DOCK1: variants seen among roughly 807,000 people sequenced by gnomAD.
The protein encoded by DOCK1 is dedicator of cytokinesis 1.
A neutral mutation model predicts 262.7 loss-of-function variants in DOCK1; 138 were observed. That is an observed-to-expected ratio of 0.53 (90% CI 0.46 to 0.61). The LOEUF is 0.61. Ranked by LOEUF, DOCK1 falls within the 20% of genes least tolerant of loss-of-function variation. The probability of loss-of-function intolerance (pLI) is 0.00; values close to 1 mark genes in which losing one functional copy is unlikely to be tolerated. For missense variants in DOCK1, 1,908 were observed against 2,370.7 expected, an observed-to-expected ratio of 0.80 and a Z score of 4.05; for synonymous variants, 866 against 867.4, an observed-to-expected ratio of 1.00 and a Z score of 0.03.
chr10:127,164,777 C>T (rs2053932260), intron 27 of DOCK1, among the ~76,000 whole-genome samples: 3 of 152,122 alleles, frequency 2.0e-5, no homozygotes, highest in Admixed American at 2.0e-4. Flanking sequence ...TGTGTGTGGA[C>T]TGCCTGGCTA....
At chr10:127,182,267 A>G (rs1179024832) in intron 27 of DOCK1, among the ~76,000 whole-genome samples, 3 of 152,090 alleles carry the variant, frequency 2.0e-5, no homozygotes, top group African/African-American at 7.2e-5. Flanking sequence ...TTCAGCCCCC[A>G]CTCATGCATA....
At chr10:127,171,306 A>G (rs1266846820) in intron 27 of DOCK1, among the ~76,000 whole-genome samples, 1 of 152,266 alleles carries the variant, frequency 6.6e-6, no homozygotes, top group Non-Finnish European at 1.5e-5. Context: ...ACAGGGAAGC[A>G]CTTGCCTGAC....
Position 126,995,509 on chromosome 10 carries a change from G to A in DOCK1, c.474-1239G>A, listed in dbSNP as rs575665140. Reference sequence around the variant, plus strand: ...ACGAAAACCAGTCAGGTGTGGCGGCGCGCGCCTGCAATCCCAGGCACTCCG... The same window carrying A: ...ACGAAAACCAGTCAGGTGTGGCGGCACGCGCCTGCAATCCCAGGCACTCCG... On this transcript the variant is annotated intron_variant, in intron 6 of 51. Transcript: ENST00000623213. The surrounding 1 kb of genome is among the most constrained non-coding windows in gnomAD (Gnocchi z 5.8). 5.3e-4 allele frequency among the ~76,000 whole-genome samples: 80 copies of A among 152,278 alleles called. 2 individuals are homozygous for A. The South Asian group carries it at 0.011, about 22-fold the overall frequency.
intron 25 of DOCK1, among the ~76,000 whole-genome samples, chr10:127,112,356 C>T (rs147902672): frequency 2.6e-5 from 4 of 152,176 alleles, no homozygotes; most frequent in East Asian, 1.9e-4. Context: ...TTCTTTAGGT[C>T]GTAGAAAGCT....
chr10:127,146,852 T>C (rs989840536), intron 27 of DOCK1, among the ~76,000 whole-genome samples: 2 of 152,184 alleles, frequency 1.3e-5, no homozygotes, highest in Non-Finnish European at 2.9e-5. Flanking sequence ...TGCATACAAA[T>C]GCAATTACCA....
intron 49 of DOCK1, among the ~76,000 whole-genome samples, chr10:127,443,887 G>A (rs2070355687): frequency 6.6e-6 from 1 of 151,988 alleles, no homozygotes; most frequent in African/African-American, 2.4e-5. Flanking sequence ...TGGGGCATAA[G>A]GTTTTCCAGA....
At chr10:127,205,031 A>G (rs1401186432) in intron 27 of DOCK1, among the ~76,000 whole-genome samples, 1 of 152,088 alleles carries the variant, frequency 6.6e-6, no homozygotes, top group African/African-American at 2.4e-5. Flanking sequence ...CTAATAGAAA[A>G]TAACATTTAT....
chr10:127,220,848 C>T (rs1380725327), intron 27 of DOCK1, among the ~76,000 whole-genome samples: 1 of 151,794 alleles, frequency 6.6e-6, no homozygotes, highest in East Asian at 1.9e-4. Flanking sequence ...AGATTTATTT[C>T]CTAAACAAGT....
At chr10:127,179,335 A>T (rs2055490120) in intron 27 of DOCK1, among the ~76,000 whole-genome samples, 1 of 152,214 alleles carries the variant, frequency 6.6e-6, no homozygotes, top group South Asian at 2.1e-4. Flanking sequence ...TGTTTTATAG[A>T]GGGTTGCTGG....
rs1283547885 is a variant in DOCK1 at position 127,261,294 on chromosome 10, TGG to T, written c.3044+3867_3044+3868del. ...GTGTGTGCCTGCATGTGTGTGCATG[TGG>T]GTGTGTGTGTGTGTGCCTGCATGTG... On this transcript the variant is annotated intron_variant, in intron 29 of 51. Coordinates refer to ENST00000623213, the MANE Select transcript of DOCK1 (RefSeq NM_001290223.2). 1.1e-3 allele frequency among the ~76,000 whole-genome samples: 117 copies of T among 101,954 alleles called. 1 individual carries two copies. Among genetic ancestry groups the T allele is most frequent in the African/African-American group, 4.2e-3 (107 of 25,384 alleles). 66.9% of individuals were successfully genotyped at this position (101,954 alleles called of 152,430 possible). A position where few individuals can be genotyped will look rare whatever the true frequency, so the allele number is the denominator to read the frequency against.
intron 49 of DOCK1, among the ~76,000 whole-genome samples, chr10:127,442,852 T>C (rs1219162483): frequency 6.6e-6 from 1 of 152,218 alleles, no homozygotes; most frequent in Non-Finnish European, 1.5e-5. Flanking sequence ...TATCTGCATG[T>C]CTTGCAATAA....
chr10:126,982,888 T>C (rs1178905559), intron 4 of DOCK1, among the ~76,000 whole-genome samples: 3 of 152,222 alleles, frequency 2.0e-5, no homozygotes, highest in Admixed American at 1.3e-4. Flanking sequence ...AAGTGTGCAT[T>C]TAGTGTACTT....
chr10:127,201,457 T>G (rs185434706), intron 27 of DOCK1, among the ~76,000 whole-genome samples: 1 of 152,344 alleles, frequency 6.6e-6, no homozygotes, highest in East Asian at 1.9e-4. Flanking sequence ...TTTATTGGCC[T>G]GAAATACAAA....
At position 127,175,809 on chromosome 10, in the gene DOCK1, C is replaced by T. The variant is rs1298488527; in HGVS notation, c.2847+48045C>T. On this transcript the variant is annotated intron_variant, in intron 27 of 51. Coordinates refer to ENST00000623213, the MANE Select transcript of DOCK1 (RefSeq NM_001290223.2). The surrounding 1 kb of genome is among the most constrained non-coding windows in gnomAD (Gnocchi z 6.3). ...ATAGCTGAGCGGCTCCGGGCTTTTA[C>T]AGGGCTCTGTGCAGTTGACCCCCAA... is the stretch of plus-strand genomic sequence containing the variant. 1 of 1,614,090 alleles carries T rather than the reference C, an allele frequency of 6.2e-7. No homozygotes were observed. Among genetic ancestry groups the T allele is most frequent in the Non-Finnish European group, 8.5e-7 (1 of 1,180,012 alleles).
At chr10:127,222,225 A>AT (rs2058463506) in intron 27 of DOCK1, among the ~76,000 whole-genome samples, 1 of 152,210 alleles carries the variant, frequency 6.6e-6, no homozygotes, top group South Asian at 2.1e-4. Context: ...TCATGCCAGC[A>AT]TTTCCAGCAT....
intron 1 of DOCK1, among the ~76,000 whole-genome samples, chr10:126,931,576 C>G (rs894444696): frequency 6.6e-6 from 1 of 152,190 alleles, no homozygotes; most frequent in Admixed American, 6.5e-5. Context: ...AATCCAAAGA[C>G]AGAAGCCCCC....
intron 22 of DOCK1, among the ~76,000 whole-genome samples, chr10:127,054,050 C>A (rs1439913382): frequency 6.6e-6 from 1 of 152,178 alleles, no homozygotes; most frequent in East Asian, 1.9e-4. Flanking sequence ...AGCATGGTGC[C>A]CTTGTAACCT....
chr10:127,026,523 A>T, intron 16 of DOCK1, 99 bp downstream of exon 16: 1 of 1,091,424 alleles, frequency 9.2e-7, no homozygotes, highest in South Asian at 1.4e-5. Flanking sequence ...TCGCTATCAT[A>T]ACACAATAAG....
chr10:127,284,959 C>T (rs1163264050), intron 29 of DOCK1, among the ~76,000 whole-genome samples: 4 of 152,052 alleles, frequency 2.6e-5, no homozygotes, highest in African/African-American at 9.7e-5. Context: ...ATAGTCAGAC[C>T]TTGTCTCTAC....
Sources: gnomAD v4.1 joint callset for allele counts (sites outside exome capture counted in the v4.1 genomes callset) on GRCh38, gnomAD v4.1.1 for gene constraint, Gnocchi (gnomAD v3.1) non-coding constraint, MANE v1.5 for transcripts, NCBI Gene and HGNC (gene_info 2026-07-23, HGNC 2026-07-21) for gene names.